BDP1: variants seen among roughly 807,000 people sequenced by gnomAD.
BDP1 encodes the protein transcription factor TFIIIB component B'' homolog.
A neutral mutation model predicts 266.6 loss-of-function variants in BDP1; 169 were observed. That is an observed-to-expected ratio of 0.63 (90% CI 0.56 to 0.72). BDP1 has a LOEUF of 0.72. Among genes scored for constraint, BDP1 ranks in the 30% least tolerant of loss-of-function variants. The pLI is 0.00. For missense variants in BDP1, 3,015 were observed against 3,053.8 expected (o/e 0.99, Z 0.30); for synonymous variants, 1,090 against 1,022.4 (o/e 1.07, Z -1.26).
At chr5:71,542,054 A>G in intron 29 of BDP1, 51 bp from the exon 30 acceptor site, 2 of 1,466,202 alleles carry the variant, frequency 1.4e-6, no homozygotes, top group Non-Finnish European at 1.9e-6. Context: ...TATTAATGTG[A>G]GAGAGCAAGA....
chr5:71,483,690 C>T (rs531511134), intron 7 of BDP1, 152 bp from the exon 8 acceptor site: 158 of 589,162 alleles, frequency 2.7e-4, no homozygotes, highest in Non-Finnish European at 4.3e-4. Context: ...TTTAAAAAGC[C>T]GAAGGTTTAA....
At chr5:71,486,377 C>T in intron 8 of BDP1, 107 bp from the exon 9 acceptor site, 1 of 902,886 alleles carries the variant, frequency 1.1e-6, no homozygotes, top group Non-Finnish European at 1.7e-6. Flanking sequence ...TTTCTGTTCT[C>T]CTACTGATAA....
chr5:71,536,855 G>A (rs1030043371), intron 26 of BDP1, among the ~76,000 whole-genome samples: 1 of 151,790 alleles, frequency 6.6e-6, no homozygotes, highest in African/African-American at 2.4e-5. Context: ...CAGGTCGAGC[G>A]CGTTGGCTCA....
At chr5:71,494,993 C>T (rs1322862804) in intron 11 of BDP1, 10 of 245,700 alleles carry the variant, frequency 4.1e-5, no homozygotes, top group African/African-American at 9.0e-5. Context: ...CCACCTTGTC[C>T]GGCCTTCATT....
In BDP1 at chr5:71,455,820, CG is replaced by C; in HGVS notation, c.-54del. On this transcript the variant is annotated 5_prime_UTR_variant, in exon 1 of 39. Transcript: ENST00000358731. ...CCTAATCCCCTTTCCGGGCAGCCGCCGGGGCTCGGGGCTGTGAGCGGCCGTG... is the reference window on the plus strand; with the variant it reads ...CCTAATCCCCTTTCCGGGCAGCCGCCGGGCTCGGGGCTGTGAGCGGCCGTG... 1 of 1,456,206 alleles carries C rather than the reference CG, an allele frequency of 6.9e-7. No individual in the cohort carries two copies. The highest frequency in any genetic ancestry group is 2.5e-5 in the East Asian group (1 of 40,298). 90.2% of individuals were successfully genotyped at this position (1,456,206 alleles called of 1,614,324 possible).
intron 30 of BDP1, among the ~76,000 whole-genome samples, 162 bp from the exon 31 acceptor site, chr5:71,544,195 G>T (rs1742081114): frequency 1.3e-5 from 2 of 152,290 alleles, no homozygotes; most frequent in South Asian, 4.1e-4. Context: ...AAATCTATTA[G>T]CTAGGACTTT....
At chr5:71,546,617 CAAAAAAAAAAAAAAAA>C (rs70992980) in intron 32 of BDP1, among the ~76,000 whole-genome samples, 1 of 57,766 alleles carries the variant, frequency 1.7e-5, no homozygotes, top group Non-Finnish European at 2.8e-5. Context: ...GACTCTGTCT[CAAAAAAAAAAAAAAAA>C]AAAAAAAAAA....
chr5:71,481,907 A>G (rs1762988951), intron 7 of BDP1, among the ~76,000 whole-genome samples: 1 of 152,186 alleles, frequency 6.6e-6, no homozygotes, highest in African/African-American at 2.4e-5. Flanking sequence ...TTAATGCATT[A>G]GTACTTAATT....
intron 3 of BDP1, among the ~76,000 whole-genome samples, chr5:71,463,106 G>A (rs530324139): frequency 1.3e-5 from 2 of 151,960 alleles, no homozygotes; most frequent in East Asian, 3.9e-4. Flanking sequence ...GCGAGACTCT[G>A]TCTCATTTAA....
chr5:71,469,386 G>T (rs1333045934), intron 6 of BDP1, among the ~76,000 whole-genome samples: 1 of 151,950 alleles, frequency 6.6e-6, no homozygotes, highest in Non-Finnish European at 1.5e-5. Context: ...TGATCTGCCC[G>T]CCTCGGCCTC....
the BDP1 span, among the ~76,000 whole-genome samples, chr5:71,578,090 G>C: frequency 6.6e-6 from 1 of 152,274 alleles, no homozygotes; most frequent in East Asian, 1.9e-4. Context: ...CCGGCTCCTT[G>C]AGGTTATCTA....
At chr5:71,535,623 C>A (rs1766548951) in intron 26 of BDP1, among the ~76,000 whole-genome samples, 1 of 152,188 alleles carries the variant, frequency 6.6e-6, no homozygotes, top group South Asian at 2.1e-4. Flanking sequence ...CAAATTTATT[C>A]TCTCACAGCT....
chr5:71,526,685 G>GTT (rs35962090), intron 25 of BDP1, among the ~76,000 whole-genome samples: 32 of 118,930 alleles, frequency 2.7e-4, no homozygotes, highest in African/African-American at 5.7e-4. Context: ...CTCTCTCTCT[G>GTT]TTTTTTTTTT....
At chr5:71,575,442 G>A in the BDP1 span, among the ~76,000 whole-genome samples, 2 of 152,206 alleles carry the variant, frequency 1.3e-5, no homozygotes, top group African/African-American at 4.8e-5. Flanking sequence ...ACAATTGGAT[G>A]CAGGACACAT....
At position 71,509,456 on chromosome 5, in the gene BDP1, T is replaced by C. The variant is rs1189566268; in HGVS notation, c.2373-9T>C. The C allele has an allele frequency of 6.5e-7, 1 of 1,540,352 alleles. No homozygotes were observed. The highest frequency in any genetic ancestry group is 8.7e-7 in the Non-Finnish European group (1 of 1,151,636). On this transcript the variant is annotated splice_polypyrimidine_tract_variant and intron_variant, in intron 16 of 38. Transcript: ENST00000358731. ...AAACTTGATTGTGTGCCCCCTTTTTTTTTTATAGCGTTCAAGAGAATAATA... is the reference window on the plus strand; with the variant it reads ...AAACTTGATTGTGTGCCCCCTTTTTCTTTTATAGCGTTCAAGAGAATAATA...
chr5:71,479,769 A>G (rs1477957796), intron 7 of BDP1, among the ~76,000 whole-genome samples: 1 of 151,734 alleles, frequency 6.6e-6, no homozygotes, highest in Non-Finnish European at 1.5e-5. Flanking sequence ...GATGGTCTCG[A>G]TCTCCTGACC....
chr5:71,537,149 C>CAAAAAAAAAAAAAAAAAAAA (rs70992979), intron 26 of BDP1, among the ~76,000 whole-genome samples: 4 of 82,430 alleles, frequency 4.9e-5, no homozygotes, highest in Non-Finnish European at 6.5e-5. Flanking sequence ...ACCAAAAAAC[C>CAAAAAAAAAAAAAAAAAAAA]AAAAAAAAAA....
Position 71,502,805 on chromosome 5 carries a change from T to C in BDP1, c.2241+14T>C. On this transcript the variant is annotated intron_variant, in intron 15 of 38. Coordinates refer to ENST00000358731, the MANE Select transcript of BDP1 (RefSeq NM_018429.3). ...GCTGATAGAGATGTAAGTACTCTGA[T>C]TCCTCCTCACATTTTTGGTAAGCAA... is the stretch of plus-strand genomic sequence containing the variant. 6.2e-7 allele frequency: 1 copy of C among 1,600,676 alleles called. No individual in the cohort carries two copies. The highest frequency in any genetic ancestry group is 8.5e-7 in the Non-Finnish European group (1 of 1,173,640).
intron 11 of BDP1, among the ~76,000 whole-genome samples, chr5:71,492,923 A>G (rs961775071): frequency 3.3e-5 from 5 of 152,210 alleles, no homozygotes; most frequent in African/African-American, 1.2e-4. Context: ...ATCACTGGAA[A>G]CAGAAAACCT....
Sources: allele counts gnomAD v4.1 joint callset (sites outside exome capture counted in the v4.1 genomes callset), GRCh38; gene constraint gnomAD v4.1.1; transcripts MANE v1.5; gene names NCBI Gene and HGNC (gene_info 2026-07-23, HGNC 2026-07-21).